The following ANKFN1 variants were observed in gnomAD, a reference collection of about 807,000 sequenced individuals.
ANKFN1 encodes the protein ankyrin repeat and fibronectin type-III domain-containing protein 1.
In ANKFN1, 74 loss-of-function variants were observed where a neutral mutation model predicts 108.7. The observed-to-expected ratio is 0.68, with a 90% CI of 0.56 to 0.83. ANKFN1 has a LOEUF of 0.83. Among genes scored for constraint, ANKFN1 ranks in the 40% least tolerant of loss-of-function variants. The pLI, the probability that ANKFN1 is intolerant of heterozygous loss-of-function variation, is 0.00. For missense variants in ANKFN1, 1,505 were observed against 1,382.3 expected, an observed-to-expected ratio of 1.09 and a Z score of -1.41; for synonymous variants, 547 against 516.2, an observed-to-expected ratio of 1.06 and a Z score of -0.81.
At chr17:56,416,476 G>A (rs1331248950) in intron 8 of ANKFN1, among the ~76,000 whole-genome samples, 6 of 152,186 alleles carry the variant, frequency 3.9e-5, no homozygotes, top group Admixed American at 3.3e-4. Flanking sequence ...TTGATCATCA[G>A]AGAAATGCAA....
intron 4 of ANKFN1, among the ~76,000 whole-genome samples, chr17:56,098,980 T>A (rs992775255): frequency 6.6e-6 from 1 of 152,260 alleles, no homozygotes; most frequent in Non-Finnish European, 1.5e-5. Flanking sequence ...GTGAGCTGCA[T>A]CTTTCCAGCC....
intron 4 of ANKFN1, among the ~76,000 whole-genome samples, chr17:56,067,498 C>T (rs1016180576): frequency 4.6e-5 from 7 of 152,116 alleles, no homozygotes; most frequent in Non-Finnish European, 8.8e-5. Flanking sequence ...GTTAGTTTGG[C>T]CTCTCTCCTT....
chr17:56,459,499 G>C (rs550249379), intron 14 of ANKFN1, among the ~76,000 whole-genome samples: 1 of 152,102 alleles, frequency 6.6e-6, no homozygotes, highest in South Asian at 2.1e-4. Flanking sequence ...AATTCAAAGT[G>C]CCTCGTCCTT....
rs183944021 is a variant in ANKFN1 at position 56,145,754 on chromosome 17, G to A, written c.289-82163G>A. On this transcript the variant is annotated intron_variant, in intron 4 of 12. Coordinates refer to the ANKFN1 transcript ENST00000635860. ...CCTCACATTTCAAAACCAATCATGC[G>A]TTCCCAACAGTCCTCCAAAGTCTTA... Among the ~76,000 whole-genome samples the A allele has an allele frequency of 2.9e-4, 44 of 152,196 alleles. 1 individual carries two copies. Among genetic ancestry groups the A allele is most frequent in the Admixed American group, 1.7e-3 (26 of 15,288 alleles).
At chr17:56,452,595 G>A (rs2049527325) in intron 11 of ANKFN1, among the ~76,000 whole-genome samples, 1 of 152,128 alleles carries the variant, frequency 6.6e-6, no homozygotes, top group East Asian at 1.9e-4. Context: ...AAGACTTTCT[G>A]CATGTTATTA....
intron 8 of ANKFN1, among the ~76,000 whole-genome samples, chr17:56,375,155 AT>A (rs1391794428): frequency 2.0e-5 from 3 of 152,170 alleles, no homozygotes; most frequent in African/African-American, 4.8e-5. Context: ...GATAAAGTAT[AT>A]TGGAGGTCAG....
chr17:56,118,815 T>G (rs1906430830), intron 4 of ANKFN1, among the ~76,000 whole-genome samples: 1 of 152,188 alleles, frequency 6.6e-6, no homozygotes, highest in South Asian at 2.1e-4. Flanking sequence ...CCAAGTTGAC[T>G]GTTATGAGCA....
chr17:56,115,533 A>G (rs1199776441), intron 4 of ANKFN1, among the ~76,000 whole-genome samples: 2 of 152,228 alleles, frequency 1.3e-5, no homozygotes, highest in Non-Finnish European at 2.9e-5. Flanking sequence ...AGTAATAACC[A>G]TGCAGAAAAC....
At chr17:56,221,781 G>A (rs1420151376) in intron 2 of ANKFN1, among the ~76,000 whole-genome samples, 2 of 152,190 alleles carry the variant, frequency 1.3e-5, no homozygotes, top group Non-Finnish European at 2.9e-5. Context: ...CCAACACCCT[G>A]GCTTGCAGGT....
At chr17:56,226,355 G>A (rs769806041) in intron 2 of ANKFN1, among the ~76,000 whole-genome samples, 6 of 152,260 alleles carry the variant, frequency 3.9e-5, no homozygotes, top group Non-Finnish European at 7.4e-5. Flanking sequence ...GGAATTATCT[G>A]TATTATTTAT....
chr17:56,052,701 T>C (rs1251456372), intron 4 of ANKFN1, among the ~76,000 whole-genome samples: 1 of 152,114 alleles, frequency 6.6e-6, no homozygotes, highest in East Asian at 1.9e-4. Context: ...ATGCTTTAAG[T>C]GTTCTAGCTA....
chr17:56,353,397 C>T (rs781324774), intron 5 of ANKFN1, among the ~76,000 whole-genome samples: 10 of 152,128 alleles, frequency 6.6e-5, no homozygotes, highest in East Asian at 1.9e-4. Flanking sequence ...ACACCACACT[C>T]GGCTAATTTT....
intron 6 of ANKFN1, among the ~76,000 whole-genome samples, chr17:56,363,979 CAG>C (rs1436907613): frequency 6.6e-6 from 1 of 151,988 alleles, no homozygotes; most frequent in African/African-American, 2.4e-5. Context: ...AAATCTCAGA[CAG>C]GAGAAATAAT....
intron 1 of ANKFN1, among the ~76,000 whole-genome samples, chr17:56,172,801 C>G (rs899057299): frequency 6.6e-6 from 1 of 152,188 alleles, no homozygotes; most frequent in African/African-American, 2.4e-5. Flanking sequence ...AAAGGCACTA[C>G]CTGACAACTG....
intron 3 of ANKFN1, among the ~76,000 whole-genome samples, chr17:56,323,007 G>A (rs1011590480): frequency 2.0e-4 from 30 of 152,316 alleles, no homozygotes; most frequent in African/African-American, 7.2e-4. Flanking sequence ...GGCTGGAGGT[G>A]TAGTGGCTGA....
At chr17:56,245,635 TA>T (rs1352755357) in intron 3 of ANKFN1, 2 of 152,138 alleles carry the variant, frequency 1.3e-5, no homozygotes, top group Non-Finnish European at 2.9e-5. Flanking sequence ...TTTATCTGGA[TA>T]AAAATTCATT....
At chr17:56,292,039 A>G (rs2044377351) in intron 3 of ANKFN1, among the ~76,000 whole-genome samples, 1 of 152,182 alleles carries the variant, frequency 6.6e-6, no homozygotes, top group African/African-American at 2.4e-5. Context: ...TCATTTTAGT[A>G]GAGCATAGGA....
intron 4 of ANKFN1, among the ~76,000 whole-genome samples, chr17:56,074,853 G>C (rs188740042): frequency 8.7e-4 from 133 of 152,320 alleles, no homozygotes; most frequent in African/African-American, 3.0e-3. Context: ...GGAAAGGGAA[G>C]CAGCAAAGGG....
intron 4 of ANKFN1, among the ~76,000 whole-genome samples, chr17:56,067,926 G>A (rs1288249529): frequency 6.6e-6 from 1 of 152,116 alleles, no homozygotes. Flanking sequence ...CAGTGTCTTT[G>A]GAATTTCTCG....
Sources: gnomAD v4.1 joint callset for allele counts (sites outside exome capture counted in the v4.1 genomes callset) on GRCh38, gnomAD v4.1.1 for gene constraint, MANE v1.5 for transcripts, NCBI Gene and HGNC (gene_info 2026-07-23, HGNC 2026-07-21) for gene names.